Variants in ST3GAL3 observed in about 807,000 individuals in gnomAD.
ST3GAL3 encodes CMP-N-acetylneuraminate-beta-1,4-galactoside alpha-2,3-sialyltransferase.
A neutral mutation model predicts 50.1 loss-of-function variants in ST3GAL3; 21 were observed. The observed-to-expected ratio is 0.42, with a 90% CI of 0.30 to 0.60. The LOEUF is 0.60. Among genes scored for constraint, ST3GAL3 ranks in the 20% least tolerant of loss-of-function variants. The pLI, the probability that ST3GAL3 is intolerant of heterozygous loss-of-function variation, is 0.19. For missense variants in ST3GAL3, 353 were observed against 489.4 expected, an observed-to-expected ratio of 0.72 and a Z score of 2.63; for synonymous variants, 183 against 190.0, an observed-to-expected ratio of 0.96 and a Z score of 0.30.
At position 43,814,916 on chromosome 1, in the gene ST3GAL3, G is replaced by T; in HGVS notation, c.192G>T (p.Leu64=). Residue 64 remains leucine, a synonymous_variant, in exon 4 of 12, where the codon CTG becomes CTT. Coordinates refer to ENST00000347631, the MANE Select transcript of ST3GAL3 (RefSeq NM_006279.5). ...GSEYDRLGFL[L]NLDSKLPAEL... ...AGTATGATCGGTTGGGCTTCCTCCT[G>T]AATCTGGACTCTAAACTGTGAGTAG... is the stretch of plus-strand genomic sequence containing the variant. 6.2e-7 allele frequency: 1 copy of T among 1,614,162 alleles called. No homozygotes were observed. Among genetic ancestry groups the T allele is most frequent in the Non-Finnish European group, 8.5e-7 (1 of 1,180,022 alleles).
At position 43,778,771 on chromosome 1, in the gene ST3GAL3, G is replaced by A. The variant is rs578101619; in HGVS notation, c.119-13331G>A. The stretch of plus-strand genomic sequence containing the variant: ...CGCCATTCTCCTGCCTCAGCCTCCC[G>A]AGTAGCTGGGACTACAGGCACCCGC... On this transcript the variant is annotated intron_variant, in intron 2 of 11. Transcript: ENST00000347631. 9.4e-4 allele frequency among the ~76,000 whole-genome samples: 136 copies of A among 144,058 alleles called. 2 individuals carry two copies. The South Asian group carries it at 0.019, about 20-fold the overall frequency. The allele number at this position is 144,058 out of a possible 152,430, so 94.5% of individuals were successfully genotyped here. A position where few individuals can be genotyped will look rare whatever the true frequency, so the allele number is the denominator to read the frequency against.
chr1:43,913,346 A>G (rs1346136463), intron 9 of ST3GAL3: 1 of 152,216 alleles, frequency 6.6e-6, no homozygotes, highest in Non-Finnish European at 1.5e-5. Context: ...TAATCCTTAC[A>G]GCTATCTGGG....
At chr1:43,736,501 T>C in intron 2 of ST3GAL3, 121 bp downstream of exon 2, 1 of 1,585,388 alleles carries the variant, frequency 6.3e-7, no homozygotes, top group Non-Finnish European at 8.6e-7. Context: ...TGAACATTTC[T>C]GGGACTTTGG....
chr1:43,827,017 A>G (rs960397294), intron 4 of ST3GAL3, among the ~76,000 whole-genome samples: 2 of 152,192 alleles, frequency 1.3e-5, no homozygotes, highest in African/African-American at 4.8e-5. Context: ...TTCCCCTAAG[A>G]TTGAGATAAA....
intron 3 of ST3GAL3, among the ~76,000 whole-genome samples, chr1:43,810,735 C>T (rs1020632932): frequency 3.9e-5 from 6 of 152,014 alleles, no homozygotes; most frequent in Non-Finnish European, 8.8e-5. Context: ...CCAGGAGTTT[C>T]GCCCTTGGGA....
intron 6 of ST3GAL3, among the ~76,000 whole-genome samples, chr1:43,897,916 C>T (rs1383531806): frequency 6.6e-6 from 1 of 152,162 alleles, no homozygotes; most frequent in East Asian, 1.9e-4. Flanking sequence ...AGGCCCTGGC[C>T]TGGGAATGCA....
At chr1:43,875,508 A>C (rs566332438) in intron 5 of ST3GAL3, among the ~76,000 whole-genome samples, 2 of 152,272 alleles carry the variant, frequency 1.3e-5, no homozygotes, top group Non-Finnish European at 2.9e-5. Context: ...TGTAATCCCC[A>C]TAAACCCCAC....
chr1:43,874,709 G>A (rs537148613), intron 5 of ST3GAL3, among the ~76,000 whole-genome samples: 29 of 152,332 alleles, frequency 1.9e-4, no homozygotes, highest in African/African-American at 7.0e-4. Flanking sequence ...CAAACATAAA[G>A]TAGAGAATAT....
At chr1:43,773,900 C>T (rs1247854891) in intron 2 of ST3GAL3, among the ~76,000 whole-genome samples, 1 of 152,142 alleles carries the variant, frequency 6.6e-6, no homozygotes, top group Non-Finnish European at 1.5e-5. Context: ...AAATACATAT[C>T]ACCTACATAG....
intron 2 of ST3GAL3, among the ~76,000 whole-genome samples, chr1:43,785,753 C>T (rs1405895512): frequency 6.6e-6 from 1 of 152,134 alleles, no homozygotes; most frequent in East Asian, 1.9e-4. Context: ...ACTGTCTGTA[C>T]TTCCCAATTT....
At chr1:43,865,925 G>A (rs2071225720) in intron 5 of ST3GAL3, among the ~76,000 whole-genome samples, 1 of 152,186 alleles carries the variant, frequency 6.6e-6, no homozygotes, top group African/African-American at 2.4e-5. Context: ...AGTGTCAGTG[G>A]GTGGGATACA....
chr1:43,873,020 A>T (rs2073323389), intron 5 of ST3GAL3, among the ~76,000 whole-genome samples: 1 of 152,188 alleles, frequency 6.6e-6, no homozygotes, highest in Non-Finnish European at 1.5e-5. Flanking sequence ...AATATGAGAG[A>T]TGAAGTAAGA....
chr1:43,850,753 C>T, intron 5 of ST3GAL3: 1 of 784,482 alleles, frequency 1.3e-6, no homozygotes, highest in South Asian at 1.4e-5. Flanking sequence ...CTGCAGTTGG[C>T]CACCACATGG....
intron 2 of ST3GAL3, among the ~76,000 whole-genome samples, chr1:43,752,900 C>T (rs1273028338): frequency 6.6e-6 from 1 of 152,168 alleles, no homozygotes; most frequent in African/African-American, 2.4e-5. Flanking sequence ...GACTGTCTCT[C>T]TACAAACAAA....
At chr1:43,753,390 A>G (rs972298819) in intron 2 of ST3GAL3, among the ~76,000 whole-genome samples, 1 of 152,228 alleles carries the variant, frequency 6.6e-6, no homozygotes, top group African/African-American at 2.4e-5. Context: ...TAGTAACTTA[A>G]GTAAGGCCTA....
intron 3 of ST3GAL3, among the ~76,000 whole-genome samples, chr1:43,814,095 A>G (rs2060950891): frequency 6.6e-6 from 1 of 152,166 alleles, no homozygotes; most frequent in African/African-American, 2.4e-5. Context: ...TGAACCATGA[A>G]ATCAGTGCTT....
At chr1:43,757,516 C>T (rs1371495942) in intron 2 of ST3GAL3, among the ~76,000 whole-genome samples, 2 of 151,950 alleles carry the variant, frequency 1.3e-5, no homozygotes, top group Non-Finnish European at 2.9e-5. Flanking sequence ...CATATATGGC[C>T]GATTGATTTT....
At chr1:43,744,643 A>C (rs1682663604) in intron 2 of ST3GAL3, among the ~76,000 whole-genome samples, 1 of 94,308 alleles carries the variant, frequency 1.1e-5, no homozygotes. Flanking sequence ...ACAGAGCGAG[A>C]CTCCCTCTCA....
At chr1:43,817,072 A>G (rs892729180) in intron 4 of ST3GAL3, among the ~76,000 whole-genome samples, 1 of 152,224 alleles carries the variant, frequency 6.6e-6, no homozygotes, top group Admixed American at 6.5e-5. Flanking sequence ...TCTGAGGTAT[A>G]GGAAAGGACC....
Sources: allele counts gnomAD v4.1 joint callset (sites outside exome capture counted in the v4.1 genomes callset), GRCh38; gene constraint gnomAD v4.1.1; transcripts MANE v1.5; gene names NCBI Gene and HGNC (gene_info 2026-07-23, HGNC 2026-07-21).